CEP72: variants seen among roughly 807,000 people sequenced by gnomAD.
CEP72 encodes centrosomal protein 72.
CEP72 carries 78 observed loss-of-function variants against 65.7 expected under a neutral mutation model. The observed-to-expected ratio is 1.19, with a 90% confidence interval of 0.99 to 1.43. The LOEUF (loss-of-function observed/expected upper bound fraction) is 1.43. Ranked by LOEUF, CEP72 falls within the 40% of genes most tolerant of loss-of-function variation. The probability of loss-of-function intolerance (pLI) is 0.00; values close to 1 mark genes in which losing one functional copy is unlikely to be tolerated. For missense variants in CEP72, 914 were observed against 832.9 expected (o/e 1.10, Z -1.20); for synonymous variants, 358 against 351.7 (o/e 1.02, Z -0.20).
At chr5:632,902 G>A (rs1482153499) in intron 4 of CEP72, among the ~76,000 whole-genome samples, 1 of 107,558 alleles carries the variant, frequency 9.3e-6, no homozygotes, top group Non-Finnish European at 1.8e-5. Context: ...ACCAGTTCTG[G>A]TGGGGTTCTG....
chr5:643,897 C>T (rs1738232921), intron 9 of CEP72, among the ~76,000 whole-genome samples: 1 of 152,248 alleles, frequency 6.6e-6, no homozygotes, highest in Non-Finnish European at 1.5e-5. Flanking sequence ...CCACCGGTGC[C>T]TCACACTGGC....
intron 3 of CEP72, chr5:665,827 C>G: frequency 1.0e-6 from 1 of 988,642 alleles, no homozygotes; most frequent in Non-Finnish European, 1.4e-6. Flanking sequence ...GCCACGCCCT[C>G]CTGACCACGC....
chr5:645,371 A>G lies in CEP72; in HGVS notation c.1666+946A>G, dbSNP rs549843167. Among the ~76,000 whole-genome samples, 2 of 148,758 alleles carry G rather than the reference A, an allele frequency of 1.3e-5. No homozygotes were observed. The highest frequency in any genetic ancestry group is 5.0e-5 in the African/African-American group (2 of 40,232). ...TTTTATTTATAAATTTTGCTTTTCT[A>G]TCTTCTGTTTCTTTAAGATACTGTT... is the stretch of plus-strand genomic sequence containing the variant. On this transcript the variant is annotated intron_variant, in intron 10 of 11. Transcript: ENST00000264935. The surrounding 1 kb of genome is among the most constrained non-coding windows in gnomAD (Gnocchi z 4.0).
chr5:633,501 T>C lies in CEP72; in HGVS notation c.513-268T>C, dbSNP rs187124907. On this transcript the variant is annotated intron_variant, in intron 4 of 11. Coordinates refer to ENST00000264935, the MANE Select transcript of CEP72 (RefSeq NM_018140.4). ...CCAGTCCTGGTGGGGTTCTGTCCAGTGCTGGGATTTGGCCCAGTCCTGGTG... is the reference window on the plus strand; with the variant it reads ...CCAGTCCTGGTGGGGTTCTGTCCAGCGCTGGGATTTGGCCCAGTCCTGGTG... Among the ~76,000 whole-genome samples, 18 of 150,158 alleles carry C rather than the reference T, an allele frequency of 1.2e-4. 1 individual carries two copies. Among genetic ancestry groups the C allele is most frequent in the Admixed American group, 1.0e-3 (14 of 13,826 alleles).
At chr5:648,759 A>G (rs1738638720) in intron 11 of CEP72, among the ~76,000 whole-genome samples, 1 of 94,834 alleles carries the variant, frequency 1.1e-5, no homozygotes, top group African/African-American at 4.5e-5. Context: ...GTGGACTGTG[A>G]GGTGTGGACT....
At chr5:668,787 C>G (rs1740066235), downstream of CEP72, among the ~76,000 whole-genome samples, 3 of 152,250 alleles carry the variant, frequency 2.0e-5, no homozygotes, top group African/African-American at 7.2e-5. Context: ...CAGTGCCCTT[C>G]AGCAGCGGCC....
chr5:646,509 T>G (rs908156), intron 10 of CEP72, among the ~76,000 whole-genome samples: 29,806 of 152,100 alleles, frequency 0.2, 3,301 homozygotes, highest in East Asian at 0.43. Context: ...AGCCTCCTTC[T>G]GGGGATTCTC....
At chr5:643,595 G>T in intron 9 of CEP72, 1 of 985,356 alleles carries the variant, frequency 1.0e-6, no homozygotes. Context: ...CTCCCCTGGT[G>T]GCAGTGAGCT....
intron 9 of CEP72, chr5:643,505 G>C (rs146763418): frequency 2.0e-6 from 2 of 985,410 alleles, no homozygotes; most frequent in African/African-American, 3.5e-5. Flanking sequence ...GGCTGTCGGC[G>C]GGTGGGCTCA....
chr5:649,315 G>A (rs1231663371), intron 11 of CEP72, among the ~76,000 whole-genome samples: 7 of 135,070 alleles, frequency 5.2e-5, no homozygotes, highest in Non-Finnish European at 1.1e-4. Context: ...TGACTGAGGC[G>A]TGACTGTGAG....
chr5:646,016 G>A (rs140062158), intron 10 of CEP72, among the ~76,000 whole-genome samples: 128 of 151,312 alleles, frequency 8.5e-4, no homozygotes, highest in African/African-American at 3.0e-3. Flanking sequence ...CGTCACTCTT[G>A]CTCCCATCGG....
chr5:652,101 A>G lies in CEP72; in HGVS notation c.1779-887A>G, dbSNP rs576034568. On this transcript the variant is annotated intron_variant, in intron 11 of 11. Coordinates refer to ENST00000264935, the MANE Select transcript of CEP72 (RefSeq NM_018140.4). The stretch of plus-strand genomic sequence containing the variant: ...TGTGGCGGCCGCGGGTGCAGTGCCC[A>G]GTCGTGGGCAGGGCCATGTGACTCC... 2.0e-5 allele frequency among the ~76,000 whole-genome samples: 3 copies of G among 152,318 alleles called. No homozygotes were observed. The South Asian group carries it at 6.2e-4, about 32-fold the overall frequency.
Position 644,424 on chromosome 5 carries a change from T to A in CEP72, c.1665T>A (p.Ala555=). The A allele has an allele frequency of 6.2e-7, 1 of 1,613,628 alleles. No individual in the cohort carries two copies. Among genetic ancestry groups the A allele is most frequent in the Admixed American group, 1.7e-5 (1 of 59,998 alleles). The change falls in exon 10 of 12, where the codon GCT becomes GCA. Residue 555 remains alanine (A), a splice_region_variant and synonymous_variant. Coordinates refer to ENST00000264935, the MANE Select transcript of CEP72 (RefSeq NM_018140.4). ...DTAATLNLQI[A]GLQTSVKRLC... The stretch of plus-strand genomic sequence containing the variant: ...CAGCCACGTTAAATTTGCAGATCGC[T>A]GGTAAGTTGATCGTGTATTTGGTCA...
chr5:656,913 T>C (rs1342713040), downstream of CEP72: 1 of 152,224 alleles, frequency 6.6e-6, no homozygotes, highest in Admixed American at 6.5e-5. Context: ...TGGATTTTTT[T>C]TGCTTGTTTT....
At chr5:664,425 C>T (rs1187378019) in intron 2 of CEP72, 1 of 152,554 alleles carries the variant, frequency 6.6e-6, no homozygotes, top group Non-Finnish European at 1.5e-5. Context: ...GGAAGCCGCC[C>T]ACTGCCCCTG....
chr5:632,268 A>AC (rs1256253057), intron 4 of CEP72, among the ~76,000 whole-genome samples: 6 of 15,658 alleles, frequency 3.8e-4, no homozygotes, highest in Admixed American at 6.6e-4. Flanking sequence ...CGGGATTTAG[A>AC]CCAGTCCTGG....
At chr5:665,965 C>T in exon 4 of CEP72, 1 of 1,581,484 alleles carries the variant, frequency 6.3e-7, no homozygotes, top group Non-Finnish European at 8.5e-7. Flanking sequence ...CCCCGCCCTG[C>T]TCACCGTCAC....
chr5:658,794 G>A (rs536340500), downstream of CEP72, among the ~76,000 whole-genome samples: 13 of 150,880 alleles, frequency 8.6e-5, no homozygotes, highest in East Asian at 1.9e-4. Context: ...TCAGCCTCCC[G>A]AGTAGCTGGG....
chr5:644,470 C>G (rs749326694), intron 10 of CEP72, 45 bp downstream of exon 10: 66 of 1,601,316 alleles, frequency 4.1e-5, no homozygotes, highest in Non-Finnish European at 5.3e-5. Flanking sequence ...TTTAGGTGTT[C>G]AAATGTGCCT....
Sources: gnomAD v4.1 joint callset for allele counts (sites outside exome capture counted in the v4.1 genomes callset) on GRCh38, gnomAD v4.1.1 for gene constraint, Gnocchi (gnomAD v3.1) non-coding constraint, MANE v1.5 for transcripts, NCBI Gene and HGNC (gene_info 2026-07-23, HGNC 2026-07-21) for gene names.